SRBD1: variants seen among roughly 807,000 people sequenced by gnomAD.
SRBD1 encodes S1 RNA binding domain 1.
A neutral mutation model predicts 115.3 loss-of-function variants in SRBD1; 88 were observed. The observed-to-expected ratio is 0.76, with a 90% CI of 0.64 to 0.91. The LOEUF (loss-of-function observed/expected upper bound fraction) is 0.91. Ranked by LOEUF, SRBD1 falls within the 40% of genes least tolerant of loss-of-function variation. SRBD1 has a pLI of 0.00. For synonymous variants in SRBD1, 509 were observed against 407.7 expected (o/e 1.25, Z -2.99); for missense variants, 1,385 against 1,177.4 (o/e 1.18, Z -2.58).
At chr2:45,509,583 A>G (rs560229812) in intron 14 of SRBD1, among the ~76,000 whole-genome samples, 4 of 123,644 alleles carry the variant, frequency 3.2e-5, no homozygotes, top group Non-Finnish European at 6.9e-5. Flanking sequence ...AGGACACAGC[A>G]AGACTCCGTC....
intron 16 of SRBD1, among the ~76,000 whole-genome samples, chr2:45,423,571 C>T (rs1668067961): frequency 6.6e-6 from 1 of 151,672 alleles, no homozygotes; most frequent in Admixed American, 6.6e-5. Context: ...ACTCTCCCAA[C>T]AAAAAAAAGT....
chr2:45,393,078 C>T lies in SRBD1; in HGVS notation c.2565G>A (p.Met855Ile). 1 of 1,613,624 alleles carries T rather than the reference C, an allele frequency of 6.2e-7. No homozygotes were observed. The highest frequency in any genetic ancestry group is 8.5e-7 in the Non-Finnish European group (1 of 1,179,862). The change falls in exon 20 of 21, where the codon ATG (methionine) becomes ATA (isoleucine). Residue 855 changes from methionine to isoleucine, a missense_variant. Coordinates refer to ENST00000263736, the MANE Select transcript of SRBD1 (RefSeq NM_018079.5). ...GTLYEVGKPE[M>I]QQKINSFLEK... ...CAAGGAATGAATTTATTTTTTGTTGCATTTCAGGCTTTCCAACCTCATACA... is the reference window on the plus strand; with the variant it reads ...CAAGGAATGAATTTATTTTTTGTTGTATTTCAGGCTTTCCAACCTCATACA...
intron 16 of SRBD1, among the ~76,000 whole-genome samples, chr2:45,440,333 C>T (rs922614976): frequency 6.6e-6 from 1 of 151,896 alleles, no homozygotes; most frequent in East Asian, 1.9e-4. Flanking sequence ...TTCTTATGTC[C>T]CCTAGTGGAT....
intron 17 of SRBD1, 66 bp downstream of exon 17, chr2:45,419,722 C>A (rs1483708129): frequency 1.9e-5 from 27 of 1,422,930 alleles, no homozygotes; most frequent in Non-Finnish European, 2.4e-5. Context: ...TTCTTCTAGC[C>A]GAGTTTGGAC....
chr2:45,423,985 G>A (rs1372707622), intron 16 of SRBD1, among the ~76,000 whole-genome samples: 1 of 152,042 alleles, frequency 6.6e-6, no homozygotes, highest in Non-Finnish European at 1.5e-5. Flanking sequence ...TGCAAGAATA[G>A]TACTAAAACT....
At chr2:45,491,725 T>C (rs1219129865) in intron 14 of SRBD1, among the ~76,000 whole-genome samples, 2 of 152,222 alleles carry the variant, frequency 1.3e-5, no homozygotes, top group Admixed American at 1.3e-4. Context: ...ACCACACACT[T>C]ATAAAGTAAA....
intron 16 of SRBD1, among the ~76,000 whole-genome samples, chr2:45,421,506 CAAACAAAAAAAAAAAAAAAAAAA>C (rs1668003729): frequency 2.7e-4 from 13 of 48,086 alleles, no homozygotes; most frequent in Admixed American, 1.7e-3. Context: ...GACTCCGTCT[CAAACAAAAAAAAAAAAAAAAAAA>C]AAAAAAAAAA....
chr2:45,389,191 T>C lies in SRBD1; in HGVS notation c.*119A>G. On this transcript the variant is annotated 3_prime_UTR_variant, in exon 21 of 21. Coordinates refer to ENST00000263736, the MANE Select transcript of SRBD1 (RefSeq NM_018079.5). Reference sequence around the variant, plus strand: ...AATAAAGGAAAGTGTTTGGAAAATATTTCTGATATTAAGTGAATTATTTCT... The same window carrying C: ...AATAAAGGAAAGTGTTTGGAAAATACTTCTGATATTAAGTGAATTATTTCT... 1 of 1,175,538 alleles carries C rather than the reference T, an allele frequency of 8.5e-7. No homozygotes were observed. The highest frequency in any genetic ancestry group is 1.2e-6 in the Non-Finnish European group (1 of 845,998). The allele number at this position is 1,175,538 out of a possible 1,614,324, so 72.8% of individuals were successfully genotyped here.
At chr2:45,586,005 C>T (rs1673510115) in intron 4 of SRBD1, among the ~76,000 whole-genome samples, 1 of 152,160 alleles carries the variant, frequency 6.6e-6, no homozygotes, top group Non-Finnish European at 1.5e-5. Context: ...CTGTATCATT[C>T]AAATTCCAGT....
chr2:45,573,172 C>A (rs559806646), intron 9 of SRBD1, 35 bp downstream of exon 9: 1 of 1,534,804 alleles, frequency 6.5e-7, no homozygotes. Context: ...ATCATTATTA[C>A]GAAATCAGCA....
At chr2:45,469,049 T>C (rs1669574020) in intron 16 of SRBD1, among the ~76,000 whole-genome samples, 1 of 152,192 alleles carries the variant, frequency 6.6e-6, no homozygotes, top group Admixed American at 6.6e-5. Flanking sequence ...TTGCCTGTTT[T>C]TCTCTGGAAT....
At chr2:45,408,499 A>T (rs1667501644) in intron 19 of SRBD1, among the ~76,000 whole-genome samples, 1 of 152,234 alleles carries the variant, frequency 6.6e-6, no homozygotes, top group South Asian at 2.1e-4. Flanking sequence ...TCCCAAAGGA[A>T]ACAGACAGAA....
intron 16 of SRBD1, among the ~76,000 whole-genome samples, chr2:45,436,730 C>T (rs1451807774): frequency 1.3e-5 from 2 of 152,168 alleles, no homozygotes; most frequent in Non-Finnish European, 2.9e-5. Flanking sequence ...ATCCAATCAC[C>T]TCTCACCAGG....
At chr2:45,577,502 C>G (rs549195281) in intron 7 of SRBD1, among the ~76,000 whole-genome samples, 1 of 152,158 alleles carries the variant, frequency 6.6e-6, no homozygotes, top group African/African-American at 2.4e-5. Context: ...CGCACTTAAG[C>G]TACCTCTTCT....
At chr2:45,406,733 T>C (rs1450830277) in intron 19 of SRBD1, among the ~76,000 whole-genome samples, 1 of 152,196 alleles carries the variant, frequency 6.6e-6, no homozygotes, top group African/African-American at 2.4e-5. Context: ...GAAGAATCCA[T>C]TTCCTACATA....
intron 7 of SRBD1, among the ~76,000 whole-genome samples, chr2:45,577,887 G>A (rs1009500664): frequency 3.3e-5 from 5 of 151,962 alleles, no homozygotes; most frequent in African/African-American, 1.2e-4. Flanking sequence ...TTTTGATCAG[G>A]GTAAAAGAAA....
chr2:45,525,755 C>A (rs966349658), intron 14 of SRBD1, among the ~76,000 whole-genome samples: 1 of 151,902 alleles, frequency 6.6e-6, no homozygotes. Context: ...ATTAAAACCA[C>A]CAATTAAACA....
At chr2:45,602,653 G>A (rs749522826) in intron 2 of SRBD1, among the ~76,000 whole-genome samples, 7 of 152,020 alleles carry the variant, frequency 4.6e-5, no homozygotes, top group African/African-American at 1.2e-4. Context: ...GATCAGGTGC[G>A]ACTATAGTAC....
At chr2:45,407,313 C>G (rs1221803930) in intron 19 of SRBD1, among the ~76,000 whole-genome samples, 1 of 152,186 alleles carries the variant, frequency 6.6e-6, no homozygotes, top group Non-Finnish European at 1.5e-5. Flanking sequence ...CTCCAATTTT[C>G]TAAATGCCTC....
Sources: gnomAD v4.1 joint callset for allele counts (sites outside exome capture counted in the v4.1 genomes callset) on GRCh38, gnomAD v4.1.1 for gene constraint, MANE v1.5 for transcripts, NCBI Gene and HGNC (gene_info 2026-07-23, HGNC 2026-07-21) for gene names.